MAPK8: variants seen among roughly 807,000 people sequenced by gnomAD.
The protein encoded by MAPK8 is JUN N-terminal kinase.
A neutral mutation model predicts 52.9 loss-of-function variants in MAPK8; 13 were observed. The ratio of observed to expected loss-of-function variants is 0.25; its 90% CI spans 0.16 to 0.39. The LOEUF (loss-of-function observed/expected upper bound fraction) is 0.39. Among genes scored for constraint, MAPK8 ranks in the 10% least tolerant of loss-of-function variants. MAPK8 has a pLI of 1.00. For missense variants in MAPK8, 300 were observed against 519.2 expected (o/e 0.58, Z 4.10); for synonymous variants, 191 against 169.8 (o/e 1.12, Z -0.97).
intron 1 of MAPK8, among the ~76,000 whole-genome samples, chr10:48,318,472 T>G (rs917832787): frequency 3.9e-5 from 6 of 152,172 alleles, no homozygotes; most frequent in African/African-American, 1.4e-4. Context: ...GAATGCTTAT[T>G]GTGTGGTGGT....
chr10:48,412,315 C>T (rs955167657), intron 5 of MAPK8, among the ~76,000 whole-genome samples: 1 of 152,164 alleles, frequency 6.6e-6, no homozygotes, highest in Non-Finnish European at 1.5e-5. Context: ...GATTATGTGT[C>T]TTAGTGCAGA....
Position 48,352,623 on chromosome 10 carries a change from C to G in MAPK8, c.-50+45802C>G, listed in dbSNP as rs537067444. Among the ~76,000 whole-genome samples the G allele has an allele frequency of 2.4e-4, 36 of 152,262 alleles. 1 individual carries two copies. The South Asian group carries it at 7.5e-3, about 32-fold the overall frequency. On this transcript the variant is annotated intron_variant, in intron 1 of 11. Transcript: ENST00000374189. Reference sequence around the variant, plus strand: ...TAGGAATAGAAGCAAACTTCCTCAACTGGATAAAGAATATTTATAGAAAAT... The same window carrying G: ...TAGGAATAGAAGCAAACTTCCTCAAGTGGATAAAGAATATTTATAGAAAAT...
At chr10:48,433,839 T>G (rs373843022) in intron 11 of MAPK8, among the ~76,000 whole-genome samples, 1 of 152,236 alleles carries the variant, frequency 6.6e-6, no homozygotes, top group African/African-American at 2.4e-5. Flanking sequence ...TCAGCATCTT[T>G]GGGTGCCTGA....
At chr10:48,310,260 C>T (rs1841843347) in intron 1 of MAPK8, among the ~76,000 whole-genome samples, 1 of 152,124 alleles carries the variant, frequency 6.6e-6, no homozygotes, top group Non-Finnish European at 1.5e-5. Context: ...TTATAGAAGG[C>T]TTGTTCCTCA....
chr10:48,425,796 G>A (rs1352058737), intron 7 of MAPK8, 92 bp from the exon 8 acceptor site: 10 of 532,266 alleles, frequency 1.9e-5, no homozygotes, highest in Non-Finnish European at 2.7e-5. Flanking sequence ...CCTTTCTTAG[G>A]AATTTTTAAA....
At chr10:48,367,015 C>T (rs780678753) in intron 1 of MAPK8, among the ~76,000 whole-genome samples, 3 of 152,016 alleles carry the variant, frequency 2.0e-5, no homozygotes, top group Non-Finnish European at 4.4e-5. Flanking sequence ...AGTACCAAGC[C>T]CACAAAGGAA....
intron 3 of MAPK8, 80 bp downstream of exon 3, chr10:48,405,061 A>G: frequency 4.9e-6 from 4 of 808,610 alleles, no homozygotes; most frequent in Non-Finnish European, 5.7e-6. Context: ...AAGACTAAAT[A>G]TTAGGGGCTT....
intron 1 of MAPK8, among the ~76,000 whole-genome samples, chr10:48,380,602 C>T (rs1050237682): frequency 6.6e-6 from 1 of 151,894 alleles, no homozygotes; most frequent in East Asian, 1.9e-4. Context: ...GGCGTGGTGG[C>T]ATGCACCTGA....
At chr10:48,308,945 A>C (rs1383961412) in intron 1 of MAPK8, among the ~76,000 whole-genome samples, 1 of 152,230 alleles carries the variant, frequency 6.6e-6, no homozygotes, top group Non-Finnish European at 1.5e-5. Context: ...GAAATGAGTT[A>C]ACTAATGAGT....
In MAPK8 at chr10:48,315,896, T is replaced by C. The variant is rs528035117; in HGVS notation, c.-50+9075T>C. Among the ~76,000 whole-genome samples, 10 of 152,242 alleles carry C rather than the reference T, an allele frequency of 6.6e-5. No homozygotes were observed. The East Asian group carries it at 1.9e-3, about 29-fold the overall frequency. ...TGGTGATTTTAGAAGATTATAGTTT[T>C]CCTCCATTATATGTAAAATGAGCCA... On this transcript the variant is annotated intron_variant, in intron 1 of 11. Coordinates refer to ENST00000374189, the MANE Select transcript of MAPK8 (RefSeq NM_001323329.2).
At chr10:48,380,365 A>G (rs949987197) in intron 1 of MAPK8, among the ~76,000 whole-genome samples, 5 of 152,356 alleles carry the variant, frequency 3.3e-5, no homozygotes, top group South Asian at 2.1e-4. Flanking sequence ...GCTGAACACT[A>G]TTTCTTGTCT....
At chr10:48,331,053 G>A (rs985647341) in intron 1 of MAPK8, among the ~76,000 whole-genome samples, 1 of 152,182 alleles carries the variant, frequency 6.6e-6, no homozygotes, top group Non-Finnish European at 1.5e-5. Flanking sequence ...GACAGATGTA[G>A]TTTATTCTTC....
chr10:48,387,356 G>C (rs2041375305), intron 1 of MAPK8, among the ~76,000 whole-genome samples: 1 of 152,120 alleles, frequency 6.6e-6, no homozygotes, highest in Non-Finnish European at 1.5e-5. Context: ...TATTACGGAG[G>C]GTCTGTGGGA....
At chr10:48,383,586 A>G (rs1032455176) in intron 1 of MAPK8, among the ~76,000 whole-genome samples, 1 of 152,116 alleles carries the variant, frequency 6.6e-6, no homozygotes. Flanking sequence ...AATTCCCTGC[A>G]TGTTAACATT....
Position 48,306,695 on chromosome 10 carries a change from C to A in MAPK8, c.-176C>A, listed in dbSNP as rs1460120568. Reference sequence around the variant, plus strand: ...CGTCTCTGTTACTCAGCCGAGCGGCCGAGGCCGGACGACGCGGCTTGGATT... The same window carrying A: ...CGTCTCTGTTACTCAGCCGAGCGGCAGAGGCCGGACGACGCGGCTTGGATT... On this transcript the variant is annotated 5_prime_UTR_variant, in exon 1 of 12. Coordinates refer to ENST00000374189, the MANE Select transcript of MAPK8 (RefSeq NM_001323329.2). 6.6e-6 allele frequency: 1 copy of A among 151,286 alleles called. No homozygotes were observed. The highest frequency in any genetic ancestry group is 1.5e-5 in the Non-Finnish European group (1 of 67,798). The allele number at this position is 151,286 out of a possible 1,614,324, so 9.4% of individuals were successfully genotyped here.
chr10:48,330,530 C>A (rs1416391279), intron 1 of MAPK8, among the ~76,000 whole-genome samples: 1 of 152,152 alleles, frequency 6.6e-6, no homozygotes, highest in Non-Finnish European at 1.5e-5. Flanking sequence ...AAATGTAGAA[C>A]AATGTGTGAG....
chr10:48,325,090 C>T (rs1486802645), intron 1 of MAPK8, among the ~76,000 whole-genome samples: 3 of 152,064 alleles, frequency 2.0e-5, no homozygotes, highest in Admixed American at 2.0e-4. Flanking sequence ...ATTCTCTCAC[C>T]TCTGCCTCCC....
At chr10:48,372,301 C>A (rs1486441548) in intron 1 of MAPK8, among the ~76,000 whole-genome samples, 1 of 151,992 alleles carries the variant, frequency 6.6e-6, no homozygotes, top group Non-Finnish European at 1.5e-5. Context: ...TTCCAAAAAC[C>A]AGAACACCTC....
intron 1 of MAPK8, among the ~76,000 whole-genome samples, chr10:48,390,394 A>G (rs960690797): frequency 9.9e-5 from 15 of 152,204 alleles, no homozygotes; most frequent in African/African-American, 1.4e-4. Context: ...AGATAGGTCT[A>G]TTGGTAGCCA....
Sources: allele counts gnomAD v4.1 joint callset (sites outside exome capture counted in the v4.1 genomes callset), GRCh38; gene constraint gnomAD v4.1.1; transcripts MANE v1.5; gene names NCBI Gene and HGNC (gene_info 2026-07-23, HGNC 2026-07-21).